Variants in PAX4 observed in about 807,000 individuals in gnomAD.
PAX4 encodes the protein paired box 4.
A neutral mutation model predicts 40.6 loss-of-function variants in PAX4; 33 were observed. The observed-to-expected ratio is 0.81, with a 90% CI of 0.62 to 1.09. The LOEUF (loss-of-function observed/expected upper bound fraction) is 1.09. Among genes scored for constraint, PAX4 ranks in the 50% least tolerant of loss-of-function variants. The pLI is 0.00. For synonymous variants in PAX4, 174 were observed against 170.6 expected, an observed-to-expected ratio of 1.02 and a Z score of -0.16; for missense variants, 459 against 442.5, an observed-to-expected ratio of 1.04 and a Z score of -0.33.
At position 127,611,593 on chromosome 7, in the gene PAX4, T is replaced by A; in HGVS notation, c.855A>T (p.Thr285=). Residue 285 remains threonine (T), a synonymous_variant, in exon 11 of 12, where the codon ACA becomes ACT. Coordinates refer to ENST00000639438, the MANE Select transcript of PAX4 (RefSeq NM_001366110.1). ...GPSCYQLCWA[T]APERCLSDTP... is the part of the protein sequence containing the mutation. ...TGTCACTCAGACACCTTTCTGGTGC[T>A]GTTGCCCAGCACAGCTGATAGCAGG... The A allele has an allele frequency of 6.8e-6, 11 of 1,613,826 alleles. No homozygotes were observed. The highest frequency in any genetic ancestry group is 9.3e-6 in the Non-Finnish European group (11 of 1,179,908).
intron 9 of PAX4, 128 bp from the exon 10 acceptor site, chr7:127,612,128 G>T: frequency 1.2e-6 from 1 of 831,562 alleles, no homozygotes; most frequent in South Asian, 1.4e-5. Flanking sequence ...GCAGGGGTGT[G>T]AAGAGATGGA....
chr7:127,618,063 C>T lies in PAX4; in HGVS notation c.-327G>A, dbSNP rs890529584. Reference sequence around the variant, plus strand: ...GATGATCTGGTCTTGGTAACAGCCTCCACTCTGCTCCTGCTTCAGTCCTGC... The same window carrying T: ...GATGATCTGGTCTTGGTAACAGCCTTCACTCTGCTCCTGCTTCAGTCCTGC... On this transcript the variant is annotated 5_prime_UTR_variant, in exon 1 of 12. Coordinates refer to ENST00000639438, the MANE Select transcript of PAX4 (RefSeq NM_001366110.1). 1.3e-5 allele frequency: 2 copies of T among 152,308 alleles called. No homozygotes were observed. The highest frequency in any genetic ancestry group is 2.9e-5 in the Non-Finnish European group (2 of 68,132). 9.4% of individuals were successfully genotyped at this position (152,308 alleles called of 1,614,324 possible).
At chr7:127,613,944 C>T (rs1794680981) in intron 6 of PAX4, 63 bp from the exon 7 acceptor site, 2 of 1,597,610 alleles carry the variant, frequency 1.3e-6, no homozygotes, top group South Asian at 2.2e-5. Flanking sequence ...CAGATGGGGT[C>T]CCTGAGTCTC....
chr7:127,613,571 G>A (rs199578800), intron 7 of PAX4, 39 bp from the exon 8 acceptor site: 1 of 1,606,682 alleles, frequency 6.2e-7, no homozygotes, highest in East Asian at 2.2e-5. Flanking sequence ...GGCACCGGGA[G>A]AGGAGCAAGG....
chr7:127,611,044 A>C lies in PAX4; in HGVS notation c.*20T>G. The C allele has an allele frequency of 1.3e-6, 2 of 1,592,002 alleles. No homozygotes were observed. The highest frequency in any genetic ancestry group is 2.3e-5 in the South Asian group (2 of 88,112). ...GATGGTATTAGATCTTCTCTATGCC[A>C]TCTCCTTCCCACTCCTGCCTCATTC... is the stretch of plus-strand genomic sequence containing the variant. On this transcript the variant is annotated 3_prime_UTR_variant, in exon 12 of 12. Coordinates refer to ENST00000639438, the MANE Select transcript of PAX4 (RefSeq NM_001366110.1).
At chr7:127,613,171 C>T in intron 8 of PAX4, 80 bp from the exon 9 acceptor site, 1 of 1,209,992 alleles carries the variant, frequency 8.3e-7, no homozygotes, top group East Asian at 2.3e-5. Flanking sequence ...TGTTCCTAGC[C>T]TGAACTCAGA....
At position 127,614,962 on chromosome 7, in the gene PAX4, C is replaced by T; in HGVS notation, c.278G>A (p.Gly93Asp). ...PVVARIAQLKGECPALFAWEI... is the reference protein window; with the variant it reads ...PVVARIAQLKDECPALFAWEI... ...CCAGGCAAAGAGGGCTGGACACTCA[C>T]CCTTCAGCTGGGCAATTCGAGCCAC... The change falls in exon 5 of 12, where the codon GGT (glycine) becomes GAT (aspartate). Residue 93 changes from glycine to aspartate, a missense_variant. Coordinates refer to ENST00000639438, the MANE Select transcript of PAX4 (RefSeq NM_001366110.1). 4 of 1,614,212 alleles carry T rather than the reference C, an allele frequency of 2.5e-6. No homozygotes were observed. Among genetic ancestry groups the T allele is most frequent in the Middle Eastern group, 1.6e-4 (1 of 6,062 alleles).
At chr7:127,616,398 C>T (rs1039845194) in intron 2 of PAX4, among the ~76,000 whole-genome samples, 3 of 152,228 alleles carry the variant, frequency 2.0e-5, no homozygotes, top group East Asian at 1.9e-4. Context: ...CCCTGGAAGA[C>T]ACACCCGAGC....
At chr7:127,614,016 T>C in intron 6 of PAX4, 135 bp from the exon 7 acceptor site, 2 of 1,026,634 alleles carry the variant, frequency 1.9e-6, no homozygotes, top group South Asian at 2.8e-5. Flanking sequence ...GGGGCATTCA[T>C]AGTTATTAGA....
At chr7:127,611,251 C>A in intron 11 of PAX4, 45 bp from the exon 12 acceptor site, 1 of 1,514,122 alleles carries the variant, frequency 6.6e-7, no homozygotes, top group Non-Finnish European at 9.0e-7. Flanking sequence ...GCTCCCACCC[C>A]ACCTCTCAAA....
In PAX4 at chr7:127,618,039, A is replaced by G. The variant is rs1486560726; in HGVS notation, c.-303T>C. ...ACCCCTGCAGGCTCCAGGGGTGGTG[A>G]TGATCTGGTCTTGGTAACAGCCTCC... On this transcript the variant is annotated 5_prime_UTR_variant, in exon 1 of 12. Transcript: ENST00000639438. The G allele has an allele frequency of 6.6e-6, 1 of 152,196 alleles. No homozygotes were observed. The highest frequency in any genetic ancestry group is 1.5e-5 in the Non-Finnish European group (1 of 68,092). 9.4% of individuals were successfully genotyped at this position (152,196 alleles called of 1,614,324 possible). A position where few individuals can be genotyped will look rare whatever the true frequency, so the allele number is the denominator to read the frequency against.
chr7:127,615,679 T>C (rs927326282), intron 3 of PAX4, 148 bp from the exon 4 acceptor site: 7 of 1,542,808 alleles, frequency 4.5e-6, no homozygotes, highest in African/African-American at 2.7e-5. Context: ...CCCCAGGCTG[T>C]CAACGCAAGC....
At position 127,614,542 on chromosome 7, in the gene PAX4, G is replaced by A. The variant is rs748573868; in HGVS notation, c.376C>T (p.Arg126Ter). Reference protein sequence around the residue: ...DKTPSVSSINRVLRALQEDQG... With the variant: ...DKTPSVSSIN ...TCCTCCTGTAATGCCCGCAGGACTC[G>A]GTTGATGGAGGAGACCTGGGAGTGT... is the stretch of plus-strand genomic sequence containing the variant. Residue 126 changes from arginine (R) to a stop codon, truncating the protein, a stop_gained, in exon 6 of 12, where the codon CGA becomes TGA. Coordinates refer to ENST00000639438, the MANE Select transcript of PAX4 (RefSeq NM_001366110.1). LOFTEE classifies it high-confidence loss of function. 9 of 1,592,502 alleles carry A rather than the reference G, an allele frequency of 5.7e-6. No homozygotes were observed. The highest frequency in any genetic ancestry group is 1.8e-5 in the Admixed American group (1 of 57,014).
At chr7:127,614,434 G>C in intron 6 of PAX4, 48 bp downstream of exon 6, 1 of 1,402,142 alleles carries the variant, frequency 7.1e-7, no homozygotes, top group South Asian at 1.2e-5. Context: ...ACTATAAAAT[G>C]CTAGAGATTT....
chr7:127,615,939 G>C lies in PAX4; in HGVS notation c.-11C>G. On this transcript the variant is annotated 5_prime_UTR_variant, in exon 3 of 12. Coordinates refer to ENST00000639438, the MANE Select transcript of PAX4 (RefSeq NM_001366110.1). ...ACCGTCCTGATGCATGCTCCAGGCT[G>C]ACCCTCCTCAGAAGGATGAGACTCC... is the stretch of plus-strand genomic sequence containing the variant. 1 of 1,536,116 alleles carries C rather than the reference G, an allele frequency of 6.5e-7. No individual in the cohort carries two copies. The highest frequency in any genetic ancestry group is 8.7e-7 in the Non-Finnish European group (1 of 1,146,916).
At chr7:127,615,268 G>A (rs1270126811) in intron 4 of PAX4, 133 bp downstream of exon 4, 4 of 1,601,208 alleles carry the variant, frequency 2.5e-6, no homozygotes. Flanking sequence ...CAACCTCCGA[G>A]AGGATCTCCC....
chr7:127,615,937 C>G lies in PAX4; in HGVS notation c.-9G>C. ...TCACCGTCCTGATGCATGCTCCAGGCTGACCCTCCTCAGAAGGATGAGACT... is the reference window on the plus strand; with the variant it reads ...TCACCGTCCTGATGCATGCTCCAGGGTGACCCTCCTCAGAAGGATGAGACT... On this transcript the variant is annotated 5_prime_UTR_variant, in exon 3 of 12. Coordinates refer to ENST00000639438, the MANE Select transcript of PAX4 (RefSeq NM_001366110.1). The G allele has an allele frequency of 6.5e-7, 1 of 1,536,128 alleles. No homozygotes were observed. Among genetic ancestry groups the G allele is most frequent in the Non-Finnish European group, 8.7e-7 (1 of 1,146,926 alleles).
chr7:127,613,194 C>T (rs1463030776), intron 8 of PAX4, 103 bp from the exon 9 acceptor site: 1 of 1,028,094 alleles, frequency 9.7e-7, no homozygotes, highest in African/African-American at 1.6e-5. Flanking sequence ...GTTGACCCTT[C>T]CTTGGGCCTG....
At chr7:127,613,158 A>G in intron 8 of PAX4, 67 bp from the exon 9 acceptor site, 2 of 1,275,738 alleles carry the variant, frequency 1.6e-6, no homozygotes, top group Non-Finnish European at 2.3e-6. Flanking sequence ...TGATCTCACC[A>G]CATGTTCCTA....
Sources: allele counts gnomAD v4.1 joint callset (sites outside exome capture counted in the v4.1 genomes callset), GRCh38; gene constraint gnomAD v4.1.1; transcripts MANE v1.5; gene names NCBI Gene and HGNC (gene_info 2026-07-23, HGNC 2026-07-21).